The following CSF2RB variants were observed in gnomAD, a reference collection of about 807,000 sequenced individuals.
CSF2RB encodes colony stimulating factor 2 receptor subunit beta.
In CSF2RB, 22 loss-of-function variants were observed where a neutral mutation model predicts 67.2. That is an observed-to-expected ratio of 0.33 (90% confidence interval 0.23 to 0.47). The LOEUF is 0.47. Among genes scored for constraint, CSF2RB ranks in the 20% least tolerant of loss-of-function variants. The probability of loss-of-function intolerance (pLI) is 1.00; values close to 1 mark genes in which losing one functional copy is unlikely to be tolerated. For synonymous variants in CSF2RB, 507 were observed against 482.9 expected (o/e 1.05, Z -0.65); for missense variants, 1,113 against 1,174.5 (o/e 0.95, Z 0.76).
rs1227650248 is a variant in CSF2RB at position 36,939,137 on chromosome 22, G to T, written c.*635G>T. On this transcript the variant is annotated 3_prime_UTR_variant, in exon 14 of 14. Coordinates refer to ENST00000403662, the MANE Select transcript of CSF2RB (RefSeq NM_000395.3). ...ATGGGCATGGTATTGGGGGTCGGGGGGGCGGTGCAAGGGACGCACATGAGA... is the reference window on the plus strand; with the variant it reads ...ATGGGCATGGTATTGGGGGTCGGGGTGGCGGTGCAAGGGACGCACATGAGA... 8 of 702,132 alleles carry T rather than the reference G, an allele frequency of 1.1e-5. No homozygotes were observed. The Admixed American group carries it at 1.2e-4, about 11-fold the overall frequency. 43.5% of individuals were successfully genotyped at this position (702,132 alleles called of 1,614,324 possible).
rs201331889 is a variant in CSF2RB, at chr22:36,922,264, C to T, written c.57C>T (p.Arg19=). The T allele has an allele frequency of 5.7e-6, 9 of 1,579,962 alleles. No individual in the cohort carries two copies. The Admixed American group carries it at 1.4e-4, about 25-fold the overall frequency. The change falls in exon 2 of 14, where the codon CGC becomes CGT. Residue 19 remains arginine, a synonymous_variant. Transcript: ENST00000403662. ...SMALLALCWE[R]SLAGAEETIP... ...CCCTGCTGGCCCTGTGCTGGGAGCG[C>T]AGCCTGGCAGGGGCAGAAGGTGAGT...
chr22:36,917,993 A>G (rs1015401447), intron 1 of CSF2RB, among the ~76,000 whole-genome samples: 2 of 152,180 alleles, frequency 1.3e-5, no homozygotes, highest in Admixed American at 1.3e-4. Flanking sequence ...TTTAGCACAT[A>G]TATGATCTTC....
chr22:36,926,078 A>T lies in CSF2RB; in HGVS notation c.292A>T (p.Ile98Phe). 2 of 1,614,170 alleles carry T rather than the reference A, an allele frequency of 1.2e-6. No homozygotes were observed. The highest frequency in any genetic ancestry group is 1.7e-6 in the Non-Finnish European group (2 of 1,180,016). The change falls in exon 4 of 14, where the codon ATT (isoleucine) becomes TTT (phenylalanine). Residue 98 changes from isoleucine to phenylalanine, a missense_variant. By Grantham distance (21) the Ile-to-Phe change is conservative (BLOSUM62 0). Coordinates refer to ENST00000403662, the MANE Select transcript of CSF2RB (RefSeq NM_000395.3). ...HPRCVPRRCV[I>F]PCQSFVVTDV... ...CCGCTGCGTGCCCAGGAGATGTGTC[A>T]TTCCCTGCCAGAGTTTTGTCGTCAC...
chr22:36,914,003 G>A (rs1346176473), intron 1 of CSF2RB, among the ~76,000 whole-genome samples: 1 of 152,024 alleles, frequency 6.6e-6, no homozygotes, highest in Non-Finnish European at 1.5e-5. Flanking sequence ...GCTCAGGCCT[G>A]GGAGTCAGGC....
chr22:36,926,226 CG>C, intron 4 of CSF2RB, 49 bp downstream of exon 4: 1 of 1,589,132 alleles, frequency 6.3e-7, no homozygotes. Flanking sequence ...GTGTGGACAG[CG>C]GGGGCACCAG....
At chr22:36,932,663 C>G in intron 8 of CSF2RB, 102 bp from the exon 9 acceptor site, 1 of 1,386,678 alleles carries the variant, frequency 7.2e-7, no homozygotes, top group Non-Finnish European at 1.0e-6. Flanking sequence ...AACCTGGGGT[C>G]TGGTGCCAGT....
chr22:36,938,103 C>A lies in CSF2RB; in HGVS notation c.2295C>A (p.Gly765=), dbSNP rs773453865. 7 of 1,613,928 alleles carry A rather than the reference C, an allele frequency of 4.3e-6. No individual in the cohort carries two copies. Among genetic ancestry groups the A allele is most frequent in the Middle Eastern group, 1.6e-4 (1 of 6,084 alleles). The change falls in exon 14 of 14, where the codon GGC becomes GGA. Residue 765 remains glycine, a synonymous_variant. Coordinates refer to ENST00000403662, the MANE Select transcript of CSF2RB (RefSeq NM_000395.3). ...APGPVKSGFE[G]YVELPPIEGR... ...GCCCTGTGAAGTCAGGGTTTGAGGG[C>A]TATGTGGAGCTCCCTCCAATTGAGG...
chr22:36,927,131 G>A (rs759954916), intron 4 of CSF2RB, among the ~76,000 whole-genome samples: 2 of 152,196 alleles, frequency 1.3e-5, no homozygotes, highest in Non-Finnish European at 1.5e-5. Flanking sequence ...AGGGTCACAC[G>A]GAAGGGGCTC....
rs773176695 is a variant in CSF2RB at position 36,938,244 on chromosome 22, C to T, written c.2436C>T (p.Gly812=). The T allele has an allele frequency of 1.2e-6, 2 of 1,614,178 alleles. No individual in the cohort carries two copies. The highest frequency in any genetic ancestry group is 1.7e-6 in the Non-Finnish European group (2 of 1,180,012). Reference sequence around the variant, plus strand: ...CCCCAACATCCCCACAGCCCGAGGGCCTCCTTGTCCTGCAGCAAGTGGGCG... The same window carrying T: ...CCCCAACATCCCCACAGCCCGAGGGTCTCCTTGTCCTGCAGCAAGTGGGCG... ...DVSPTSPQPE[G]LLVLQQVGDY... Residue 812 remains glycine (G), a synonymous_variant, in exon 14 of 14, where the codon GGC becomes GGT. Coordinates refer to ENST00000403662, the MANE Select transcript of CSF2RB (RefSeq NM_000395.3).
Position 36,935,364 on chromosome 22 carries a change from G to A in CSF2RB, c.1329G>A (p.Trp443Ter). Residue 443 changes from tryptophan to a stop codon, truncating the protein, a stop_gained, in exon 11 of 14, where the codon TGG (tryptophan) becomes TGA (stop). Transcript: ENST00000403662. LOFTEE classifies it high-confidence loss of function. ...SWDTESVLPMWVLALIVIFLT... is the reference protein window; with the variant it reads ...SWDTESVLPM ...GGCTGCTGGAAGTGCTGCCTATGTG[G>A]GTGCTGGCCCTCATCGTGATCTTCC... 1 of 1,614,202 alleles carries A rather than the reference G, an allele frequency of 6.2e-7. No individual in the cohort carries two copies. Among genetic ancestry groups the A allele is most frequent in the Non-Finnish European group, 8.5e-7 (1 of 1,180,034 alleles).
intron 8 of CSF2RB, 81 bp from the exon 9 acceptor site, chr22:36,932,684 C>G: frequency 6.5e-7 from 1 of 1,537,834 alleles, no homozygotes; most frequent in Non-Finnish European, 8.8e-7. Flanking sequence ...GGAGACAGCC[C>G]CAGTGTCTAG....
At chr22:36,923,873 G>A (rs572164303) in intron 3 of CSF2RB, 28 of 1,033,354 alleles carry the variant, frequency 2.7e-5, no homozygotes, top group Middle Eastern at 2.4e-4. Flanking sequence ...CTGTGTGGAC[G>A]TGTCTGGGAG....
Position 36,922,019 on chromosome 22 carries a change from G to A in CSF2RB, c.-172-17G>A, listed in dbSNP as rs963093650. 1.3e-5 allele frequency: 8 copies of A among 616,416 alleles called. No individual in the cohort carries two copies. In the African/African-American group the frequency reaches 1.5e-4, roughly 11 times the overall value. The allele number at this position is 616,416 out of a possible 1,614,324, so 38.2% of individuals were successfully genotyped here. A position where few individuals can be genotyped will look rare whatever the true frequency, so the allele number is the denominator to read the frequency against. On this transcript the variant is annotated splice_polypyrimidine_tract_variant and intron_variant, in intron 1 of 13. Transcript: ENST00000403662. ...GGAAGGGGAGGGGCAGCTCACTGCT[G>A]ACATCTCCTTCTGCAGGCCTGGAGG...
chr22:36,927,240 TC>T (rs557185097), intron 4 of CSF2RB, among the ~76,000 whole-genome samples: 6 of 152,134 alleles, frequency 3.9e-5, no homozygotes, highest in Non-Finnish European at 8.8e-5. Context: ...AAGCAACATT[TC>T]CACACATGGG....
chr22:36,929,528 T>C lies in CSF2RB; in HGVS notation c.518T>C (p.Val173Ala), dbSNP rs1941101798. Residue 173 changes from valine to alanine, a missense_variant, in exon 5 of 14, where the codon GTG becomes GCG. This residue lies in a region of CSF2RB where 559 missense variants were observed against 656.5 expected (regional missense o/e 0.85). Coordinates refer to ENST00000403662, the MANE Select transcript of CSF2RB (RefSeq NM_000395.3). ...WLSPGDLEFE[V>A]VYKRLQDSWE... ...TCCCCAGGGGATCTGGAGTTTGAGGTGGTCTACAAGCGGCTTCAGGACTCT... is the reference window on the plus strand; with the variant it reads ...TCCCCAGGGGATCTGGAGTTTGAGGCGGTCTACAAGCGGCTTCAGGACTCT... 6.2e-7 allele frequency: 1 copy of C among 1,613,872 alleles called. No homozygotes were observed.
In CSF2RB at chr22:36,926,089, G is replaced by A. The variant is rs753370025; in HGVS notation, c.303G>A (p.Gln101=). ...CVPRRCVIPC[Q]SFVVTDVDYF... ...CCAGGAGATGTGTCATTCCCTGCCA[G>A]AGTTTTGTCGTCACTGACGTTGACT... Residue 101 remains glutamine, a synonymous_variant, in exon 4 of 14, where the codon CAG becomes CAA. Transcript: ENST00000403662. 9.9e-6 allele frequency: 16 copies of A among 1,614,122 alleles called. No homozygotes were observed. The South Asian group carries it at 1.4e-4, about 14-fold the overall frequency.
chr22:36,916,508 T>C (rs999326746), intron 1 of CSF2RB, among the ~76,000 whole-genome samples: 7 of 152,234 alleles, frequency 4.6e-5, no homozygotes, highest in Non-Finnish European at 7.3e-5. Context: ...ACATTCCTTA[T>C]TATTTTTCTA....
At position 36,930,838 on chromosome 22, in the gene CSF2RB, T is replaced by G. The variant is rs1156750696; in HGVS notation, c.1012+8T>G. 2 of 1,614,130 alleles carry G rather than the reference T, an allele frequency of 1.2e-6. No homozygotes were observed. The highest frequency in any genetic ancestry group is 8.5e-7 in the Non-Finnish European group (1 of 1,180,016). On this transcript the variant is annotated splice_region_variant and intron_variant, in intron 8 of 13. Coordinates refer to ENST00000403662, the MANE Select transcript of CSF2RB (RefSeq NM_000395.3). ...TAAAGAGCTCAGTGAACAGTGAGTTTGCTCCTAGCCCGCTGTGGGGATGGT... is the reference window on the plus strand; with the variant it reads ...TAAAGAGCTCAGTGAACAGTGAGTTGGCTCCTAGCCCGCTGTGGGGATGGT...
At chr22:36,936,814 G>A (rs1941277357) in intron 13 of CSF2RB, among the ~76,000 whole-genome samples, 162 bp downstream of exon 13, 1 of 152,194 alleles carries the variant, frequency 6.6e-6, no homozygotes, top group African/African-American at 2.4e-5. Context: ...GGGGATGTGA[G>A]GAAGAACTTC....
Sources: gnomAD v4.1 joint callset for allele counts (sites outside exome capture counted in the v4.1 genomes callset) on GRCh38, gnomAD v4.1.1 for gene constraint, gnomAD v4.1.1 regional missense constraint, MANE v1.5 for transcripts, NCBI Gene and HGNC (gene_info 2026-07-23, HGNC 2026-07-21) for gene names.